Variants in WASF3 observed in about 807,000 individuals in gnomAD.
WASF3 encodes the protein actin-binding protein WASF3.
Under a neutral mutation model 46.6 loss-of-function variants are expected in WASF3, and 11 were observed. That is an observed-to-expected ratio of 0.24 (90% CI 0.15 to 0.39). The LOEUF is 0.39. Among genes scored for constraint, WASF3 ranks in the 10% least tolerant of loss-of-function variants. The pLI is 1.00. For synonymous variants in WASF3, 242 were observed against 259.7 expected, an observed-to-expected ratio of 0.93 and a Z score of 0.65; for missense variants, 576 against 669.8, an observed-to-expected ratio of 0.86 and a Z score of 1.55.
chr13:26,591,518 T>G (rs2137184176), intron 1 of WASF3, among the ~76,000 whole-genome samples: 1 of 152,086 alleles, frequency 6.6e-6, no homozygotes, highest in South Asian at 2.1e-4. Context: ...TGCCCAGGGT[T>G]TTTGACTTGA....
At chr13:26,571,889 A>G (rs1054320976) in intron 1 of WASF3, among the ~76,000 whole-genome samples, 5 of 152,256 alleles carry the variant, frequency 3.3e-5, no homozygotes, top group South Asian at 4.1e-4. Context: ...TCAGATGTGT[A>G]TAAATTTATA....
the WASF3 span, among the ~76,000 whole-genome samples, chr13:26,542,387 T>C: frequency 1.3e-5 from 2 of 152,360 alleles, no homozygotes; most frequent in South Asian, 4.1e-4. Flanking sequence ...CCAATTTTAA[T>C]GCAAGGAGCT....
intron 1 of WASF3, among the ~76,000 whole-genome samples, chr13:26,564,900 GTTTTTTTT>G (rs66809412): frequency 1.2e-5 from 1 of 81,634 alleles, no homozygotes; most frequent in African/African-American, 4.8e-5. Flanking sequence ...CAAGGTTGTG[GTTTTTTTT>G]TTTTTTTTTT....
intron 2 of WASF3, among the ~76,000 whole-genome samples, chr13:26,628,498 C>T (rs1324371577): frequency 1.3e-5 from 2 of 152,122 alleles, no homozygotes; most frequent in Non-Finnish European, 2.9e-5. Flanking sequence ...CTGGCTCCTC[C>T]CAGGAGGAGA....
chr13:26,687,453 A>G lies in WASF3; in HGVS notation c.*1608A>G, dbSNP rs1446901483. 1 of 152,048 alleles carries G rather than the reference A, an allele frequency of 6.6e-6. No individual in the cohort carries two copies. The highest frequency in any genetic ancestry group is 1.5e-5 in the Non-Finnish European group (1 of 68,048). 9.4% of individuals were successfully genotyped at this position (152,048 alleles called of 1,614,324 possible). ...CTCAGTGTGTGTGTCTCGAGTGGCT[A>G]CCTGTTGGGCTTGTGGGCAGTGATT... On this transcript the variant is annotated 3_prime_UTR_variant, in exon 10 of 10. Coordinates refer to ENST00000335327, the MANE Select transcript of WASF3 (RefSeq NM_006646.6).
rs60865367 is a variant in WASF3, at chr13:26,606,321, CGTGTGTGTGTGT to C, written c.-108-6607_-108-6596del. 8.5e-3 allele frequency among the ~76,000 whole-genome samples: 1,118 copies of C among 131,954 alleles called. 8 individuals carry two copies. Among genetic ancestry groups the C allele is most frequent in the African/African-American group, 0.025 (842 of 33,816 alleles). The allele number at this position is 131,954 out of a possible 152,430, so 86.6% of individuals were successfully genotyped here. A position where few individuals can be genotyped will look rare whatever the true frequency, so the allele number is the denominator to read the frequency against. On this transcript the variant is annotated intron_variant, in intron 1 of 9. Coordinates refer to ENST00000335327, the MANE Select transcript of WASF3 (RefSeq NM_006646.6). ...CTCTTTTTTCTTTTCTCTTTTTTTT[CGTGTGTGTGTGT>C]GTGTGTGTGTGTGTGTGTGTGTGTG...
chr13:26,585,936 A>C (rs558106692), intron 1 of WASF3, among the ~76,000 whole-genome samples: 269 of 152,298 alleles, frequency 1.8e-3, no homozygotes, highest in Admixed American at 3.7e-3. Context: ...GAAAGGTTTA[A>C]GGCTATCATC....
chr13:26,603,673 T>G (rs1426451535), intron 1 of WASF3, among the ~76,000 whole-genome samples: 1 of 152,098 alleles, frequency 6.6e-6, no homozygotes, highest in Non-Finnish European at 1.5e-5. Flanking sequence ...CTACTAAAAA[T>G]ATTTGTAAAA....
intron 1 of WASF3, among the ~76,000 whole-genome samples, chr13:26,591,806 A>G (rs1880308152): frequency 6.6e-6 from 1 of 152,066 alleles, no homozygotes; most frequent in Admixed American, 6.5e-5. Flanking sequence ...AGAGAAGAGA[A>G]AAGGTCCGAG....
intron 1 of WASF3, among the ~76,000 whole-genome samples, chr13:26,579,345 A>G (rs1879905572): frequency 6.6e-6 from 1 of 152,100 alleles, no homozygotes; most frequent in Admixed American, 6.6e-5. Context: ...CAAATTAATT[A>G]TAGTAATTAT....
intron 1 of WASF3, chr13:26,577,303 GT>G: frequency 1.3e-6 from 1 of 748,240 alleles, no homozygotes. Context: ...TTCTGTGTTG[GT>G]TTTCCTAAAA....
At chr13:26,661,127 G>T (rs1232037596) in intron 3 of WASF3, among the ~76,000 whole-genome samples, 1 of 152,226 alleles carries the variant, frequency 6.6e-6, no homozygotes, top group African/African-American at 2.4e-5. Flanking sequence ...CAACATTGGG[G>T]ATCACATTTC....
chr13:26,608,102 G>A (rs9507744), intron 1 of WASF3, among the ~76,000 whole-genome samples: 23,299 of 145,886 alleles, frequency 0.16, 2,319 homozygotes, highest in South Asian at 0.25. Flanking sequence ...ATTGAAGAGT[G>A]GTTGATGTGG....
chr13:26,555,310 G>T (rs1027057613), upstream of WASF3, among the ~76,000 whole-genome samples: 1 of 152,124 alleles, frequency 6.6e-6, no homozygotes, highest in African/African-American at 2.4e-5. Flanking sequence ...AATAAATAGA[G>T]TGAGGGCTCA....
intron 2 of WASF3, among the ~76,000 whole-genome samples, chr13:26,624,378 A>T (rs1204245519): frequency 6.6e-6 from 1 of 152,220 alleles, no homozygotes; most frequent in Admixed American, 6.5e-5. Flanking sequence ...AAAAAGGAAC[A>T]GTGAAACAAA....
rs140938685 is a variant in WASF3, at chr13:26,657,469, A to G, written c.134-7559A>G. ...ATCACTTATATATAAACTGTGGGCC[A>G]AAATACTACTTTAAAATAGTATAAC... On this transcript the variant is annotated intron_variant, in intron 3 of 9. Coordinates refer to ENST00000335327, the MANE Select transcript of WASF3 (RefSeq NM_006646.6). 6.2e-3 allele frequency among the ~76,000 whole-genome samples: 939 copies of G among 152,364 alleles called. 24 individuals are homozygous for G. Among genetic ancestry groups the G allele is most frequent in the Admixed American group, 0.048 (735 of 15,304 alleles).
At chr13:26,540,411 C>A in the WASF3 span, among the ~76,000 whole-genome samples, 1 of 152,196 alleles carries the variant, frequency 6.6e-6, no homozygotes, top group African/African-American at 2.4e-5. Flanking sequence ...GCCCAGCATG[C>A]TCTTCTTCCA....
At chr13:26,655,436 C>T (rs1385020101) in intron 3 of WASF3, among the ~76,000 whole-genome samples, 1 of 152,150 alleles carries the variant, frequency 6.6e-6, no homozygotes, top group Non-Finnish European at 1.5e-5. Flanking sequence ...GTGGTATTGA[C>T]TTTCATCAGT....
chr13:26,571,948 A>G lies in WASF3; in HGVS notation c.-109+14129A>G, dbSNP rs79837585. On this transcript the variant is annotated intron_variant, in intron 1 of 9. Coordinates refer to ENST00000335327, the MANE Select transcript of WASF3 (RefSeq NM_006646.6). The stretch of plus-strand genomic sequence containing the variant: ...CATTTCTTATTGTTTATTCCTGAGT[A>G]TTTTGTTGCTGTTATAAATGGGACT... 5.9e-3 allele frequency among the ~76,000 whole-genome samples: 892 copies of G among 152,242 alleles called. 8 individuals carry two copies. The highest frequency in any genetic ancestry group is 0.02 in the African/African-American group (817 of 41,538).
Sources: gnomAD v4.1 joint callset for allele counts (sites outside exome capture counted in the v4.1 genomes callset) on GRCh38, gnomAD v4.1.1 for gene constraint, MANE v1.5 for transcripts, NCBI Gene and HGNC (gene_info 2026-07-23, HGNC 2026-07-21) for gene names.